RHOG: variants seen among roughly 807,000 people sequenced by gnomAD.
The protein encoded by RHOG is ras homolog family member G.
A neutral mutation model predicts 12.3 loss-of-function variants in RHOG; 1 was observed. The observed-to-expected ratio is 0.08, with a 90% CI of 0.03 to 0.39. RHOG has a LOEUF of 0.39. Among genes scored for constraint, RHOG ranks in the 10% least tolerant of loss-of-function variants. RHOG has a pLI of 0.99. For synonymous variants in RHOG, 129 were observed against 116.0 expected, an observed-to-expected ratio of 1.11 and a Z score of -0.72; for missense variants, 114 against 266.2, an observed-to-expected ratio of 0.43 and a Z score of 3.98.
At chr11:3,835,116 AATCTT>A (rs2090149216) in intron 1 of RHOG, among the ~76,000 whole-genome samples, 1 of 152,130 alleles carries the variant, frequency 6.6e-6, no homozygotes, top group Admixed American at 6.5e-5. Context: ...GGCTGATGTG[AATCTT>A]ATCTCTTGTT....
In RHOG at chr11:3,827,403, C is replaced by T; in HGVS notation, c.*160G>A. 5 of 624,664 alleles carry T rather than the reference C, an allele frequency of 8.0e-6. No individual in the cohort carries two copies. In the South Asian group the frequency reaches 9.9e-5, roughly 12 times the overall value. The allele number at this position is 624,664 out of a possible 1,614,324, so 38.7% of individuals were successfully genotyped here. ...GCCCAAAGCCCCTTTCTCTGCAGGC[C>T]TCCTTAAGGAGAAAAAGGCACTCAG... On this transcript the variant is annotated 3_prime_UTR_variant, in exon 2 of 2. Transcript: ENST00000351018. The surrounding 1 kb of genome is among the most constrained non-coding windows in gnomAD (Gnocchi z 7.3).
Position 3,828,144 on chromosome 11 carries a change from G to A in RHOG, c.-6C>T. 6.2e-7 allele frequency: 1 copy of A among 1,610,060 alleles called. No individual in the cohort carries two copies. Reference sequence around the variant, plus strand: ...ACGCACTTGATGCTCTGCATCGTGGGTGCAGTTGCTGTAGTGGAGGCAGTG... The same window carrying A: ...ACGCACTTGATGCTCTGCATCGTGGATGCAGTTGCTGTAGTGGAGGCAGTG... On this transcript the variant is annotated 5_prime_UTR_variant, in exon 2 of 2. Transcript: ENST00000351018.
In RHOG at chr11:3,828,842, G is replaced by A. The variant is rs113197935; in HGVS notation, c.-68-636C>T. ...TCACCGTGTTGGCCAGGATGGTCTC[G>A]ATCTCCTGACCTCGTGATCCGCCCG... On this transcript the variant is annotated intron_variant, in intron 1 of 1. Transcript: ENST00000351018. Among the ~76,000 whole-genome samples, 901 of 151,794 alleles carry A rather than the reference G, an allele frequency of 5.9e-3. 9 individuals carry two copies. Among genetic ancestry groups the A allele is most frequent in the Non-Finnish European group, 8.8e-3 (598 of 67,906 alleles).
intron 1 of RHOG, among the ~76,000 whole-genome samples, chr11:3,831,088 A>G (rs2090125071): frequency 6.6e-6 from 1 of 151,438 alleles, no homozygotes; most frequent in Admixed American, 6.6e-5. Flanking sequence ...CACCATCAAC[A>G]CTAGCCCATT....
chr11:3,828,803 G>T (rs1252454688), intron 1 of RHOG, among the ~76,000 whole-genome samples: 1 of 151,520 alleles, frequency 6.6e-6, no homozygotes, highest in Non-Finnish European at 1.5e-5. Context: ...TGTATTTTTA[G>T]TAGAGATGGG....
chr11:3,829,713 A>T (rs954337826), intron 1 of RHOG, among the ~76,000 whole-genome samples: 1 of 151,958 alleles, frequency 6.6e-6, no homozygotes, highest in Non-Finnish European at 1.5e-5. Context: ...CCCAGACATT[A>T]GTATCTTCTC....
At chr11:3,828,820 C>G (rs1359681844) in intron 1 of RHOG, among the ~76,000 whole-genome samples, 1 of 151,572 alleles carries the variant, frequency 6.6e-6, no homozygotes, top group Non-Finnish European at 1.5e-5. Flanking sequence ...TGGGGTTTCA[C>G]CGTGTTGGCC....
intron 1 of RHOG, among the ~76,000 whole-genome samples, chr11:3,837,634 C>T (rs1470997286): frequency 1.3e-5 from 2 of 152,174 alleles, no homozygotes; most frequent in Non-Finnish European, 1.5e-5. Flanking sequence ...AGCAAATCTA[C>T]GACAAGGATC....
At chr11:3,839,909 G>C (rs1004087609) in intron 1 of RHOG, among the ~76,000 whole-genome samples, 1 of 152,136 alleles carries the variant, frequency 6.6e-6, no homozygotes, top group Non-Finnish European at 1.5e-5. Flanking sequence ...GACGAACATG[G>C]GGCAGGGTAG....
chr11:3,831,926 A>C (rs558678017), intron 1 of RHOG, among the ~76,000 whole-genome samples: 1 of 152,322 alleles, frequency 6.6e-6, no homozygotes, highest in Admixed American at 6.5e-5. Context: ...CTGGAAGTAC[A>C]GCTCTCTAAA....
chr11:3,827,320 A>G lies in RHOG; in HGVS notation c.*243T>C, dbSNP rs1035211376. 1.3e-5 allele frequency: 7 copies of G among 552,632 alleles called. No individual in the cohort carries two copies. The highest frequency in any genetic ancestry group is 2.3e-5 in the Non-Finnish European group (7 of 309,136). The allele number at this position is 552,632 out of a possible 1,614,324, so 34.2% of individuals were successfully genotyped here. The stretch of plus-strand genomic sequence containing the variant: ...GGTTGGCCTCTTGGGGAGGGGTCCA[A>G]CCTTGGCTTGGATGAGCTCATGAGA... On this transcript the variant is annotated 3_prime_UTR_variant, in exon 2 of 2. Transcript: ENST00000351018. This position sits in a 1 kb window ranked among gnomAD's most constrained non-coding sequence, Gnocchi z 7.3.
At chr11:3,835,451 C>T (rs890193471) in intron 1 of RHOG, among the ~76,000 whole-genome samples, 5 of 152,106 alleles carry the variant, frequency 3.3e-5, no homozygotes, top group Non-Finnish European at 7.3e-5. Context: ...GGTAGTCTGA[C>T]CTTCTGTTTA....
chr11:3,827,596 C>T lies in RHOG; in HGVS notation c.543G>A (p.Pro181=), dbSNP rs141469357. ...GGATGCAGGACCGCCCACGCTTGAT[C>T]GGCGTGGGGTTGAGCACAGCCCGGA... is the stretch of plus-strand genomic sequence containing the variant. ...EAVRAVLNPT[P]IKRGRSCILL The change falls in exon 2 of 2, where the codon CCG becomes CCA. Residue 181 remains proline (P), a synonymous_variant. Transcript: ENST00000351018. This position sits in a 1 kb window ranked among gnomAD's most constrained non-coding sequence, Gnocchi z 7.3. 3.0e-5 allele frequency: 48 copies of T among 1,610,108 alleles called. No individual in the cohort carries two copies. The highest frequency in any genetic ancestry group is 2.4e-4 in the South Asian group (22 of 91,084).
chr11:3,836,925 A>AAAAAAAAAAAAAAAAAAAAAAG, intron 1 of RHOG, among the ~76,000 whole-genome samples: 1 of 148,508 alleles, frequency 6.7e-6, no homozygotes, highest in African/African-American at 2.5e-5. Flanking sequence ...AAAAAAAAAA[A>AAAAAAAAAAAAAAAAAAAAAAG]AAAAAAGCTG....
chr11:3,831,250 T>C (rs1375643399), intron 1 of RHOG, among the ~76,000 whole-genome samples: 2 of 152,120 alleles, frequency 1.3e-5, no homozygotes, highest in African/African-American at 2.4e-5. Context: ...AAAGAAACTT[T>C]CGTCATGTGG....
intron 1 of RHOG, among the ~76,000 whole-genome samples, chr11:3,836,275 T>C (rs2090155183): frequency 6.8e-6 from 1 of 148,102 alleles, no homozygotes; most frequent in Non-Finnish European, 1.5e-5. Context: ...GACAATCACT[T>C]GAACCCAGGA....
intron 1 of RHOG, among the ~76,000 whole-genome samples, chr11:3,835,944 G>GGA (rs2090153186): frequency 6.6e-6 from 1 of 152,016 alleles, no homozygotes; most frequent in Admixed American, 6.5e-5. Context: ...GGAAGCTGGG[G>GGA]GAGACATGAG....
chr11:3,831,654 G>C (rs2090129521), intron 1 of RHOG, among the ~76,000 whole-genome samples: 1 of 152,228 alleles, frequency 6.6e-6, no homozygotes, highest in African/African-American at 2.4e-5. Flanking sequence ...CCAGGAATTA[G>C]AGATTAAAAT....
intron 1 of RHOG, among the ~76,000 whole-genome samples, chr11:3,830,172 A>G (rs2090118125): frequency 6.6e-6 from 1 of 152,156 alleles, no homozygotes. Context: ...GATTTTAGAG[A>G]CTTCCAGACT....
Sources: allele counts gnomAD v4.1 joint callset (sites outside exome capture counted in the v4.1 genomes callset), GRCh38; gene constraint gnomAD v4.1.1; non-coding constraint Gnocchi (gnomAD v3.1); transcripts MANE v1.5; gene names NCBI Gene and HGNC (gene_info 2026-07-23, HGNC 2026-07-21).